Variants in KHDRBS2 observed in about 807,000 individuals in gnomAD.
KHDRBS2 encodes KH domain-containing, RNA-binding, signal transduction-associated protein 2.
Under a neutral mutation model 44.3 loss-of-function variants are expected in KHDRBS2, and 26 were observed. That is an observed-to-expected ratio of 0.59 (90% CI 0.43 to 0.81). KHDRBS2 has a LOEUF of 0.81. KHDRBS2 is among the 40% of genes least tolerant of loss of function. The probability of loss-of-function intolerance (pLI) is 0.00; values close to 1 mark genes in which losing one functional copy is unlikely to be tolerated. For synonymous variants in KHDRBS2, 194 were observed against 151.1 expected, an observed-to-expected ratio of 1.28 and a Z score of -2.08; for missense variants, 476 against 433.1, an observed-to-expected ratio of 1.10 and a Z score of -0.88.
chr6:62,142,849 T>C (rs1028252734), intron 2 of KHDRBS2, among the ~76,000 whole-genome samples: 1 of 150,978 alleles, frequency 6.6e-6, no homozygotes, highest in Non-Finnish European at 1.5e-5. Context: ...AAAAAATATA[T>C]ATGGTTTATA....
At chr6:61,905,205 T>C (rs1804740706) in intron 4 of KHDRBS2, among the ~76,000 whole-genome samples, 1 of 152,148 alleles carries the variant, frequency 6.6e-6, no homozygotes, top group African/African-American at 2.4e-5. Flanking sequence ...ACACAAACCA[T>C]ATTTTGAGCC....
chr6:61,764,371 G>T (rs1165084655), intron 6 of KHDRBS2, among the ~76,000 whole-genome samples: 3 of 152,046 alleles, frequency 2.0e-5, no homozygotes, highest in African/African-American at 7.2e-5. Flanking sequence ...TGGGTAAAAT[G>T]GTATTTTCTA....
At chr6:61,685,963 T>A (rs1766770847) in intron 8 of KHDRBS2, among the ~76,000 whole-genome samples, 1 of 151,698 alleles carries the variant, frequency 6.6e-6, no homozygotes, top group South Asian at 2.1e-4. Flanking sequence ...TGACATTATT[T>A]AAGTATCTGG....
At chr6:61,732,364 C>T (rs1347794032) in intron 7 of KHDRBS2, among the ~76,000 whole-genome samples, 4 of 151,154 alleles carry the variant, frequency 2.6e-5, no homozygotes, top group Admixed American at 6.6e-5. Context: ...CTACATTGAA[C>T]AAGTGCCTTA....
intron 7 of KHDRBS2, among the ~76,000 whole-genome samples, chr6:61,714,535 CTGAG>C (rs754428856): frequency 5.9e-5 from 9 of 151,912 alleles, no homozygotes; most frequent in Non-Finnish European, 5.9e-5. Context: ...GGTCCCACTA[CTGAG>C]TAACTACCCA....
At chr6:61,818,542 A>T (rs1210766637) in intron 6 of KHDRBS2, among the ~76,000 whole-genome samples, 1 of 151,936 alleles carries the variant, frequency 6.6e-6, no homozygotes, top group African/African-American at 2.4e-5. Context: ...GTGAATTCAT[A>T]TGGTTTAACA....
chr6:61,583,018 C>T, the KHDRBS2 span, among the ~76,000 whole-genome samples: 1 of 151,736 alleles, frequency 6.6e-6, no homozygotes, highest in African/African-American at 2.4e-5. Context: ...TGTTTTTGAT[C>T]TATATTCACT....
chr6:61,832,529 T>C (rs1791989111), intron 6 of KHDRBS2, among the ~76,000 whole-genome samples: 1 of 152,194 alleles, frequency 6.6e-6, no homozygotes, highest in Non-Finnish European at 1.5e-5. Context: ...CTGGCTTTAT[T>C]TTCCTCAAAG....
At chr6:62,129,955 T>C (rs1809899997) in intron 2 of KHDRBS2, among the ~76,000 whole-genome samples, 1 of 152,176 alleles carries the variant, frequency 6.6e-6, no homozygotes. Flanking sequence ...AGATTATTTG[T>C]ATATAATTAG....
intron 2 of KHDRBS2, among the ~76,000 whole-genome samples, chr6:62,126,021 TAGAGC>T (rs1808877455): frequency 2.7e-5 from 1 of 37,174 alleles, no homozygotes; most frequent in African/African-American, 7.5e-5. Context: ...CATAGCAGGG[TAGAGC>T]ATTAAGCAGT....
intron 1 of KHDRBS2, among the ~76,000 whole-genome samples, chr6:62,182,193 T>C (rs192731853): frequency 6.6e-6 from 1 of 152,152 alleles, no homozygotes; most frequent in East Asian, 1.9e-4. Flanking sequence ...ACTCCATTTA[T>C]GGTATTTTAT....
chr6:62,004,752 C>T (rs1007052922), intron 3 of KHDRBS2, among the ~76,000 whole-genome samples: 1 of 151,986 alleles, frequency 6.6e-6, no homozygotes, highest in Non-Finnish European at 1.5e-5. Context: ...AACATTGATG[C>T]AAAAATCCTC....
chr6:62,152,165 C>A (rs1473470893), intron 2 of KHDRBS2, among the ~76,000 whole-genome samples: 1 of 151,766 alleles, frequency 6.6e-6, no homozygotes, highest in African/African-American at 2.4e-5. Context: ...ACTAAAAATA[C>A]AAAATTAGCC....
chr6:62,045,120 G>T (rs1298456255), intron 3 of KHDRBS2, among the ~76,000 whole-genome samples: 1 of 152,034 alleles, frequency 6.6e-6, no homozygotes, highest in Non-Finnish European at 1.5e-5. Context: ...GGGCTTGGAG[G>T]TCTGGAACAA....
intron 4 of KHDRBS2, among the ~76,000 whole-genome samples, chr6:61,965,261 C>A (rs1311886443): frequency 6.6e-6 from 1 of 151,984 alleles, no homozygotes; most frequent in Admixed American, 6.6e-5. Flanking sequence ...TCAATCATAG[C>A]CTTTATGGGT....
chr6:61,772,422 G>T (rs1322764844), intron 6 of KHDRBS2, among the ~76,000 whole-genome samples: 1 of 152,010 alleles, frequency 6.6e-6, no homozygotes, highest in Non-Finnish European at 1.5e-5. Context: ...TAGACCGCTA[G>T]CAAGACCAAT....
chr6:61,838,888 C>T (rs1283104277), intron 6 of KHDRBS2, among the ~76,000 whole-genome samples: 1 of 152,018 alleles, frequency 6.6e-6, no homozygotes, highest in East Asian at 1.9e-4. Context: ...TAAAGTTTTT[C>T]CCTTGCATGA....
intron 6 of KHDRBS2, among the ~76,000 whole-genome samples, chr6:61,772,200 G>A (rs906694212): frequency 5.9e-5 from 9 of 152,110 alleles, no homozygotes; most frequent in African/African-American, 1.9e-4. Context: ...AGCACGAAAT[G>A]TCCACAAGAG....
At chr6:62,073,969 G>C (rs1275448727) in intron 2 of KHDRBS2, among the ~76,000 whole-genome samples, 1 of 151,692 alleles carries the variant, frequency 6.6e-6, no homozygotes, top group Non-Finnish European at 1.5e-5. Context: ...GAACTGAGTG[G>C]GGATCCACTT....
Sources: gnomAD v4.1 joint callset for allele counts (sites outside exome capture counted in the v4.1 genomes callset) on GRCh38, gnomAD v4.1.1 for gene constraint, MANE v1.5 for transcripts, NCBI Gene and HGNC (gene_info 2026-07-23, HGNC 2026-07-21) for gene names.